HOMER1: variants seen among roughly 807,000 people sequenced by gnomAD.
HOMER1 encodes homer protein homolog 1.
Under a neutral mutation model 48.9 loss-of-function variants are expected in HOMER1, and 3 were observed. The observed-to-expected ratio is 0.06, with a 90% CI of 0.03 to 0.16. The LOEUF (loss-of-function observed/expected upper bound fraction) is 0.16. Ranked by LOEUF, HOMER1 falls within the 10% of genes least tolerant of loss-of-function variation. The pLI, the probability that HOMER1 is intolerant of heterozygous loss-of-function variation, is 1.00. For missense variants in HOMER1, 247 were observed against 411.4 expected (o/e 0.60, Z 3.46); for synonymous variants, 134 against 146.4 (o/e 0.92, Z 0.61).
At chr5:79,499,256 T>A (rs1752508163) in intron 1 of HOMER1, among the ~76,000 whole-genome samples, 1 of 152,212 alleles carries the variant, frequency 6.6e-6, no homozygotes, top group African/African-American at 2.4e-5. Flanking sequence ...GATGCATAAG[T>A]ATTCCAGAGG....
At chr5:79,486,075 T>C (rs1289465927) in intron 1 of HOMER1, among the ~76,000 whole-genome samples, 1 of 152,194 alleles carries the variant, frequency 6.6e-6, no homozygotes, top group Non-Finnish European at 1.5e-5. Flanking sequence ...ACAAGCAGCC[T>C]GTGGAGAGGA....
chr5:79,501,677 T>TA (rs1488837033), intron 1 of HOMER1, among the ~76,000 whole-genome samples: 6 of 152,188 alleles, frequency 3.9e-5, no homozygotes, highest in African/African-American at 1.4e-4. Flanking sequence ...AATGAATCTG[T>TA]ATCTATGCAA....
chr5:79,477,840 TG>T (rs1185100728), intron 1 of HOMER1, among the ~76,000 whole-genome samples: 1 of 151,126 alleles, frequency 6.6e-6, no homozygotes, highest in East Asian at 2.0e-4. Flanking sequence ...GTTGTAAGTA[TG>T]CTTCACAAGA....
At chr5:79,510,582 A>C in intron 1 of HOMER1, 1 of 809,342 alleles carries the variant, frequency 1.2e-6, no homozygotes. Flanking sequence ...AAGAAACACA[A>C]CAAGAAGGGC....
intron 8 of HOMER1, among the ~76,000 whole-genome samples, chr5:79,390,085 A>T: frequency 6.6e-6 from 1 of 152,202 alleles, no homozygotes; most frequent in Non-Finnish European, 1.5e-5. Context: ...CAGGAGTTCA[A>T]GACCAGCCTA....
At chr5:79,458,286 G>T (rs1337192517) in intron 1 of HOMER1, among the ~76,000 whole-genome samples, 1 of 151,794 alleles carries the variant, frequency 6.6e-6, no homozygotes, top group African/African-American at 2.4e-5. Flanking sequence ...TATCAAGCTT[G>T]TTTTTTTAAG....
chr5:79,424,576 A>C (rs1310688092), intron 5 of HOMER1, among the ~76,000 whole-genome samples: 2 of 152,022 alleles, frequency 1.3e-5, no homozygotes, highest in Non-Finnish European at 2.9e-5. Flanking sequence ...ATTATTTCTA[A>C]ACTTTTCTTA....
chr5:79,375,778 G>A lies in HOMER1; in HGVS notation c.*231C>T, dbSNP rs1174552568. On this transcript the variant is annotated 3_prime_UTR_variant, in exon 9 of 9. Coordinates refer to ENST00000334082, the MANE Select transcript of HOMER1 (RefSeq NM_004272.5). ...TTAACTATGGCCAATAATATACATG[G>A]AGGTAATTTGTAGTTCAAGTTTTTC... 8.1e-6 allele frequency: 3 copies of A among 370,996 alleles called. No individual in the cohort carries two copies. The highest frequency in any genetic ancestry group is 1.4e-5 in the Non-Finnish European group (3 of 208,510). 23.0% of individuals were successfully genotyped at this position (370,996 alleles called of 1,614,324 possible).
At chr5:79,425,531 G>A (rs1012746449) in intron 5 of HOMER1, among the ~76,000 whole-genome samples, 1 of 152,102 alleles carries the variant, frequency 6.6e-6, no homozygotes, top group Non-Finnish European at 1.5e-5. Context: ...TGAACATCTA[G>A]TAGATCACAT....
At chr5:79,504,183 G>C in intron 1 of HOMER1, among the ~76,000 whole-genome samples, 1 of 151,774 alleles carries the variant, frequency 6.6e-6, no homozygotes, top group East Asian at 1.9e-4. Context: ...AGAATCTCAA[G>C]AAAGACGAGT....
At chr5:79,455,869 T>C (rs926087129) in intron 2 of HOMER1, among the ~76,000 whole-genome samples, 3 of 152,052 alleles carry the variant, frequency 2.0e-5, no homozygotes, top group African/African-American at 7.2e-5. Context: ...GATTAAAGGA[T>C]CCCCCGTCCC....
chr5:79,412,609 A>C (rs1749839485), intron 5 of HOMER1, among the ~76,000 whole-genome samples: 1 of 152,230 alleles, frequency 6.6e-6, no homozygotes, highest in Non-Finnish European at 1.5e-5. Flanking sequence ...AGCTCACAGA[A>C]GGCTCACGGA....
chr5:79,512,835 G>C lies in HOMER1; in HGVS notation c.-61C>G. ...CTTATGCTACGGAATAACTTCCAAA[G>C]GAATTTCTCCGTCTGCTATTTCGCA... is the stretch of plus-strand genomic sequence containing the variant. On this transcript the variant is annotated 5_prime_UTR_variant, in exon 1 of 9. Transcript: ENST00000334082. 1 of 1,574,706 alleles carries C rather than the reference G, an allele frequency of 6.4e-7. No individual in the cohort carries two copies. The highest frequency in any genetic ancestry group is 8.7e-7 in the Non-Finnish European group (1 of 1,144,756).
chr5:79,471,634 G>A (rs1751624984), intron 1 of HOMER1, among the ~76,000 whole-genome samples: 1 of 150,916 alleles, frequency 6.6e-6, no homozygotes. Context: ...CTGCACATTA[G>A]AAATCAGCTT....
In HOMER1 at chr5:79,513,040, A is replaced by G. The variant is rs1752984802; in HGVS notation, c.-266T>C. 1.3e-5 allele frequency: 7 copies of G among 539,094 alleles called. No individual in the cohort carries two copies. The South Asian group carries it at 1.6e-4, about 12-fold the overall frequency. 33.4% of individuals were successfully genotyped at this position (539,094 alleles called of 1,614,324 possible). A position where few individuals can be genotyped will look rare whatever the true frequency, so the allele number is the denominator to read the frequency against. On this transcript the variant is annotated 5_prime_UTR_variant, in exon 1 of 9. Transcript: ENST00000334082. ...TGCGGAGGAGACAGCGATCAACTCT[A>G]TTCCACAAAATGAGTCTACAAGTAG...
chr5:79,466,751 TTATTAAA>T (rs1165182467), intron 1 of HOMER1, among the ~76,000 whole-genome samples: 4 of 150,474 alleles, frequency 2.7e-5, no homozygotes, highest in Non-Finnish European at 5.9e-5. Flanking sequence ...TCCTGGCGTT[TTATTAAA>T]AATCTAAGTG....
At chr5:79,443,083 T>C (rs992535042) in intron 4 of HOMER1, among the ~76,000 whole-genome samples, 1 of 152,206 alleles carries the variant, frequency 6.6e-6, no homozygotes, top group Non-Finnish European at 1.5e-5. Flanking sequence ...ACCAGCTGCA[T>C]CAAATGCTTA....
At chr5:79,379,457 TAA>T (rs1465124899) in intron 8 of HOMER1, among the ~76,000 whole-genome samples, 1 of 114,796 alleles carries the variant, frequency 8.7e-6, no homozygotes, top group African/African-American at 3.3e-5. Context: ...ATATAATATA[TAA>T]TATATATTTT....
intron 3 of HOMER1, 89 bp downstream of exon 3, chr5:79,450,899 CTA>C (rs1751010426): frequency 4.1e-6 from 5 of 1,215,152 alleles, no homozygotes; most frequent in Non-Finnish European, 5.7e-6. Context: ...TAAATTTCTC[CTA>C]TATTTTATAC....
Sources: gnomAD v4.1 joint callset for allele counts (sites outside exome capture counted in the v4.1 genomes callset) on GRCh38, gnomAD v4.1.1 for gene constraint, MANE v1.5 for transcripts, NCBI Gene and HGNC (gene_info 2026-07-23, HGNC 2026-07-21) for gene names.